FSTL5: variants seen among roughly 807,000 people sequenced by gnomAD.
FSTL5 encodes follistatin like 5.
A neutral mutation model predicts 89.1 loss-of-function variants in FSTL5; 62 were observed. The observed-to-expected ratio is 0.70, with a 90% CI of 0.57 to 0.86. FSTL5 has a LOEUF of 0.86. FSTL5 is among the 40% of genes least tolerant of loss of function. The pLI is 0.00. For missense variants in FSTL5, 1,057 were observed against 1,001.6 expected (o/e 1.06, Z -0.75); for synonymous variants, 383 against 346.2 (o/e 1.11, Z -1.18).
chr4:161,813,426 TG>T (rs1163096407), intron 4 of FSTL5, among the ~76,000 whole-genome samples: 1 of 151,944 alleles, frequency 6.6e-6, no homozygotes, highest in Non-Finnish European at 1.5e-5. Flanking sequence ...AAAAAAAATT[TG>T]GGGGGCGGGG....
At chr4:162,092,704 A>T (rs1485716923) in intron 2 of FSTL5, among the ~76,000 whole-genome samples, 2 of 152,052 alleles carry the variant, frequency 1.3e-5, no homozygotes, top group African/African-American at 4.8e-5. Context: ...TAATCCCAGG[A>T]CTTGGGGAGG....
chr4:161,809,684 G>A (rs115535229), intron 4 of FSTL5, among the ~76,000 whole-genome samples: 28 of 152,312 alleles, frequency 1.8e-4, no homozygotes, highest in African/African-American at 6.3e-4. Context: ...ACGCTACAGC[G>A]TGGAAGAATC....
At chr4:161,742,622 C>T (rs946164937) in intron 6 of FSTL5, among the ~76,000 whole-genome samples, 6 of 152,140 alleles carry the variant, frequency 3.9e-5, no homozygotes, top group South Asian at 2.1e-4. Context: ...GGCAGTGACG[C>T]GCCAGAAGAG....
At chr4:161,630,957 C>G (rs780201246) in intron 7 of FSTL5, among the ~76,000 whole-genome samples, 2 of 152,158 alleles carry the variant, frequency 1.3e-5, no homozygotes, top group African/African-American at 2.4e-5. Flanking sequence ...AAATGCTCTT[C>G]TGCGTTTTTC....
rs115832340 is a variant in FSTL5 at position 161,644,117 on chromosome 4, A to G, written c.894+12211T>C. On this transcript the variant is annotated intron_variant, in intron 7 of 15. Transcript: ENST00000306100. ...ATGAGGAACTTTAAAAAAAAAAAAG[A>G]GTAAGTTCAGGCACAAGAGGCGTTT... Among the ~76,000 whole-genome samples, 285 of 152,006 alleles carry G rather than the reference A, an allele frequency of 1.9e-3. 1 individual carries two copies. Among genetic ancestry groups the G allele is most frequent in the African/African-American group, 6.6e-3 (273 of 41,450 alleles).
intron 12 of FSTL5, among the ~76,000 whole-genome samples, chr4:161,485,944 C>T (rs1208696420): frequency 2.0e-5 from 3 of 151,870 alleles, no homozygotes; most frequent in African/African-American, 7.3e-5. Flanking sequence ...TCAAGACCAG[C>T]CTAGCCAACA....
intron 4 of FSTL5, among the ~76,000 whole-genome samples, chr4:161,779,494 C>T (rs1026533851): frequency 6.6e-6 from 1 of 151,460 alleles, no homozygotes; most frequent in East Asian, 1.9e-4. Flanking sequence ...ATTGAATCTT[C>T]CCAACAACCC....
At chr4:161,625,508 G>GA (rs1256619255) in intron 7 of FSTL5, among the ~76,000 whole-genome samples, 2 of 152,118 alleles carry the variant, frequency 1.3e-5, no homozygotes, top group East Asian at 3.9e-4. Flanking sequence ...GTTCTTAATT[G>GA]AAAAATGTGT....
At chr4:161,944,115 C>T (rs578033417) in intron 3 of FSTL5, among the ~76,000 whole-genome samples, 3 of 152,240 alleles carry the variant, frequency 2.0e-5, no homozygotes, top group Non-Finnish European at 2.9e-5. Context: ...TATCTGGATA[C>T]GAAACTCTGC....
intron 4 of FSTL5, among the ~76,000 whole-genome samples, chr4:161,871,483 A>G (rs1732259939): frequency 6.6e-6 from 1 of 152,124 alleles, no homozygotes; most frequent in Non-Finnish European, 1.5e-5. Context: ...CTGAATTTTC[A>G]AAAAGCAACC....
intron 6 of FSTL5, among the ~76,000 whole-genome samples, chr4:161,696,541 G>A (rs1324319045): frequency 6.6e-6 from 1 of 152,158 alleles, no homozygotes; most frequent in Non-Finnish European, 1.5e-5. Context: ...GCTATTGGCA[G>A]TATGGTCATT....
chr4:162,141,882 T>C (rs1289198954), intron 1 of FSTL5, among the ~76,000 whole-genome samples: 1 of 146,896 alleles, frequency 6.8e-6, no homozygotes, highest in Non-Finnish European at 1.5e-5. Context: ...GAAAGAAGTG[T>C]ACACAGGTAG....
At chr4:161,682,339 C>T (rs541540190) in intron 6 of FSTL5, among the ~76,000 whole-genome samples, 1 of 152,222 alleles carries the variant, frequency 6.6e-6, no homozygotes, top group East Asian at 1.9e-4. Context: ...ATAAATTAAA[C>T]TTCTCTCACT....
chr4:162,000,533 G>A (rs1315659045), intron 3 of FSTL5, among the ~76,000 whole-genome samples: 2 of 151,864 alleles, frequency 1.3e-5, no homozygotes, highest in Admixed American at 6.6e-5. Context: ...GGGAGGTGGA[G>A]GTTGCAGTGA....
At chr4:161,670,721 A>G (rs941981096) in intron 6 of FSTL5, among the ~76,000 whole-genome samples, 10 of 152,190 alleles carry the variant, frequency 6.6e-5, no homozygotes, top group African/African-American at 2.4e-4. Context: ...AAACAGATGT[A>G]AAATACGGGG....
intron 12 of FSTL5, among the ~76,000 whole-genome samples, chr4:161,487,107 A>T (rs1729707310): frequency 6.6e-6 from 1 of 152,128 alleles, no homozygotes; most frequent in Non-Finnish European, 1.5e-5. Context: ...GTGACATATA[A>T]TTTGGCAATG....
intron 4 of FSTL5, among the ~76,000 whole-genome samples, chr4:161,869,731 C>T (rs995608825): frequency 6.6e-6 from 1 of 152,194 alleles, no homozygotes; most frequent in Non-Finnish European, 1.5e-5. Context: ...TGTTGAGAAA[C>T]CTTGGCCTAA....
chr4:161,542,856 A>C (rs574952547), intron 8 of FSTL5, among the ~76,000 whole-genome samples, 163 bp from the exon 9 acceptor site: 1 of 152,234 alleles, frequency 6.6e-6, no homozygotes, highest in African/African-American at 2.4e-5. Flanking sequence ...ACTGAAATGT[A>C]CCAGTGTTAC....
chr4:161,389,495 TTTAA>T (rs1730749157), intron 15 of FSTL5, among the ~76,000 whole-genome samples: 1 of 152,160 alleles, frequency 6.6e-6, no homozygotes, highest in Non-Finnish European at 1.5e-5. Flanking sequence ...AAGGCTCAAC[TTTAA>T]TTACTGCTTT....
Sources: gnomAD v4.1 joint callset for allele counts (sites outside exome capture counted in the v4.1 genomes callset) on GRCh38, gnomAD v4.1.1 for gene constraint, MANE v1.5 for transcripts, NCBI Gene and HGNC (gene_info 2026-07-23, HGNC 2026-07-21) for gene names.